GRIN2B: variants seen among roughly 807,000 people sequenced by gnomAD.
GRIN2B encodes glutamate receptor ionotropic, NMDA 2B.
Under a neutral mutation model 114.5 loss-of-function variants are expected in GRIN2B, and 5 were observed. The observed-to-expected ratio is 0.04, with a 90% confidence interval of 0.02 to 0.09. GRIN2B has a LOEUF of 0.09. Ranked by LOEUF, GRIN2B falls within the 10% of genes least tolerant of loss-of-function variation. The pLI is 1.00. For missense variants in GRIN2B, 1,108 were observed against 1,943.5 expected, an observed-to-expected ratio of 0.57 and a Z score of 8.08; for synonymous variants, 787 against 745.1, an observed-to-expected ratio of 1.06 and a Z score of -0.92.
chr12:13,833,227 C>CT (rs1865185672), intron 3 of GRIN2B, among the ~76,000 whole-genome samples: 1 of 152,166 alleles, frequency 6.6e-6, no homozygotes, highest in Non-Finnish European at 1.5e-5. Context: ...TCAACCTGAA[C>CT]TAGAAAGATG....
intron 4 of GRIN2B, among the ~76,000 whole-genome samples, chr12:13,692,086 T>C (rs901017213): frequency 1.8e-4 from 27 of 152,110 alleles, no homozygotes; most frequent in African/African-American, 6.3e-4. Flanking sequence ...AAGAGAAAAA[T>C]CATTAAGTGA....
chr12:13,844,371 T>G (rs2268134), intron 3 of GRIN2B, among the ~76,000 whole-genome samples: 23,251 of 152,156 alleles, frequency 0.15, 2,070 homozygotes, highest in African/African-American at 0.24. Context: ...TCTAGGCCCT[T>G]AAGCATGCAC....
chr12:13,908,412 A>G (rs1565582862), intron 2 of GRIN2B, among the ~76,000 whole-genome samples: 1 of 152,206 alleles, frequency 6.6e-6, no homozygotes, highest in East Asian at 1.9e-4. Context: ...TCAGCTAACC[A>G]TAACAATTCA....
rs567464893 is a variant in GRIN2B at position 13,947,474 on chromosome 12, C to G, written c.-19+32454G>C. ...GCAGTTGTAACATAGCTCAGACAGT[C>G]ACGCTTCACCTCACTGGAGAAATGT... On this transcript the variant is annotated intron_variant, in intron 2 of 13. Coordinates refer to ENST00000609686, the MANE Select transcript of GRIN2B (RefSeq NM_000834.5). Among the ~76,000 whole-genome samples, 27 of 152,266 alleles carry G rather than the reference C, an allele frequency of 1.8e-4. 1 individual carries two copies. In the East Asian group the frequency reaches 4.0e-3, roughly 23 times the overall value.
At chr12:13,709,660 C>A (rs1950396218) in intron 4 of GRIN2B, among the ~76,000 whole-genome samples, 1 of 151,970 alleles carries the variant, frequency 6.6e-6, no homozygotes, top group Non-Finnish European at 1.5e-5. Context: ...TGCACCAGAT[C>A]CACGGGTCAC....
chr12:13,810,433 T>C (rs771673315), intron 3 of GRIN2B, among the ~76,000 whole-genome samples: 21 of 152,144 alleles, frequency 1.4e-4, no homozygotes, highest in Non-Finnish European at 3.1e-4. Flanking sequence ...GGGATTCTAC[T>C]GTGTCTACTC....
At position 13,719,745 on chromosome 12, in the gene GRIN2B, A is replaced by G. The variant is rs1232901918; in HGVS notation, c.1010+33572T>C. Among the ~76,000 whole-genome samples, 5 of 152,104 alleles carry G rather than the reference A, an allele frequency of 3.3e-5. No homozygotes were observed. In the East Asian group the frequency reaches 9.7e-4, roughly 29 times the overall value. ...TCTTATGCTAACTTGTCCCTTTGGA[A>G]GTATAGCTGTCTTAAGGCCACAGGG... On this transcript the variant is annotated intron_variant, in intron 4 of 13. Transcript: ENST00000609686.
chr12:13,758,151 G>T (rs1017464566), intron 3 of GRIN2B, among the ~76,000 whole-genome samples: 2 of 152,030 alleles, frequency 1.3e-5, no homozygotes, highest in East Asian at 3.9e-4. Context: ...AACTCCAAAG[G>T]GTCAGTTTAT....
Position 13,750,664 on chromosome 12 carries a change from T to G in GRIN2B, c.1010+2653A>C, listed in dbSNP as rs1486702106. ...GGAAAACCAAAGCTACAGAACTGAA[T>G]CAACAGTACATTTTTCAAGGGAATC... On this transcript the variant is annotated intron_variant, in intron 4 of 13. Coordinates refer to ENST00000609686, the MANE Select transcript of GRIN2B (RefSeq NM_000834.5). Among the ~76,000 whole-genome samples the G allele has an allele frequency of 2.0e-5, 3 of 152,116 alleles. No homozygotes were observed. In the East Asian group the frequency reaches 5.8e-4, roughly 29 times the overall value.
rs1864202731 is a variant in GRIN2B, at chr12:13,785,209, T to G, written c.412-31294A>C. Among the ~76,000 whole-genome samples the G allele has an allele frequency of 2.0e-5, 3 of 152,228 alleles. No homozygotes were observed. The South Asian group carries it at 6.2e-4, about 32-fold the overall frequency. ...ACTACTTAATAAATTCCTCATTTAT[T>G]TCTTAATTTTTCCATTAAAATCAGT... On this transcript the variant is annotated intron_variant, in intron 3 of 13. Transcript: ENST00000609686.
chr12:13,599,493 C>T (rs1441145375), intron 10 of GRIN2B, among the ~76,000 whole-genome samples: 1 of 152,166 alleles, frequency 6.6e-6, no homozygotes, highest in Non-Finnish European at 1.5e-5. Context: ...TTCCATGCTG[C>T]ATTAATTTGT....
At chr12:13,914,944 G>T (rs970292666) in intron 2 of GRIN2B, among the ~76,000 whole-genome samples, 1 of 152,020 alleles carries the variant, frequency 6.6e-6, no homozygotes, top group Non-Finnish European at 1.5e-5. Flanking sequence ...GATAAAGAGA[G>T]GTTAATTAAT....
chr12:13,629,798 G>A (rs112839980), intron 5 of GRIN2B, among the ~76,000 whole-genome samples: 7 of 151,914 alleles, frequency 4.6e-5, no homozygotes, highest in African/African-American at 1.5e-4. Context: ...TTATCTGAAT[G>A]TCTTTACTCA....
chr12:13,808,006 C>A (rs1228890316), intron 3 of GRIN2B, among the ~76,000 whole-genome samples: 1 of 152,080 alleles, frequency 6.6e-6, no homozygotes, highest in African/African-American at 2.4e-5. Flanking sequence ...GATGACATTA[C>A]CCACTGTAAA....
intron 4 of GRIN2B, among the ~76,000 whole-genome samples, chr12:13,695,080 T>C (rs1281147676): frequency 6.6e-6 from 1 of 152,136 alleles, no homozygotes; most frequent in African/African-American, 2.4e-5. Flanking sequence ...AAGGGATCTC[T>C]AAGCTTTCTA....
At chr12:13,963,710 C>G (rs1867739234) in intron 2 of GRIN2B, among the ~76,000 whole-genome samples, 1 of 152,204 alleles carries the variant, frequency 6.6e-6, no homozygotes, top group East Asian at 1.9e-4. Flanking sequence ...AAAGACCCAG[C>G]TTTTGACTCC....
intron 5 of GRIN2B, among the ~76,000 whole-genome samples, chr12:13,626,439 A>G (rs964831305): frequency 9.9e-5 from 15 of 152,104 alleles, no homozygotes; most frequent in African/African-American, 3.4e-4. Context: ...TTACCTTGTC[A>G]TTACTCTCTA....
intron 3 of GRIN2B, among the ~76,000 whole-genome samples, chr12:13,804,628 G>C (rs220578): frequency 0.4 from 60,697 of 151,952 alleles, 12,503 homozygotes; most frequent in East Asian, 0.54. Flanking sequence ...TGCTTTCTCT[G>C]GTCACACTAA....
At chr12:13,765,149 A>G (rs890508919) in intron 3 of GRIN2B, among the ~76,000 whole-genome samples, 3 of 152,224 alleles carry the variant, frequency 2.0e-5, no homozygotes, top group Non-Finnish European at 2.9e-5. Flanking sequence ...GTACTGCCTA[A>G]AAGTGCCAAT....
Sources: allele counts gnomAD v4.1 joint callset (sites outside exome capture counted in the v4.1 genomes callset), GRCh38; gene constraint gnomAD v4.1.1; transcripts MANE v1.5; gene names NCBI Gene and HGNC (gene_info 2026-07-23, HGNC 2026-07-21).